The following DDR2 variants were observed in gnomAD, a reference collection of about 807,000 sequenced individuals.
DDR2 encodes the protein discoidin domain-containing receptor 2.
A neutral mutation model predicts 94.9 loss-of-function variants in DDR2; 27 were observed. The ratio of observed to expected loss-of-function variants is 0.28; its 90% CI spans 0.21 to 0.39. DDR2 has a LOEUF of 0.39. Among genes scored for constraint, DDR2 ranks in the 10% least tolerant of loss-of-function variants. The pLI, the probability that DDR2 is intolerant of heterozygous loss-of-function variation, is 1.00. For synonymous variants in DDR2, 382 were observed against 377.2 expected, an observed-to-expected ratio of 1.01 and a Z score of -0.15; for missense variants, 783 against 1,076.0, an observed-to-expected ratio of 0.73 and a Z score of 3.81.
intron 3 of DDR2, among the ~76,000 whole-genome samples, chr1:162,751,589 C>A (rs542876250): frequency 6.6e-6 from 1 of 152,138 alleles, no homozygotes; most frequent in Non-Finnish European, 1.5e-5. Flanking sequence ...GACAGTGTGG[C>A]GATTCCTCAA....
chr1:162,703,754 T>C (rs1182161388), intron 2 of DDR2, among the ~76,000 whole-genome samples: 1 of 152,170 alleles, frequency 6.6e-6, no homozygotes, highest in East Asian at 1.9e-4. Context: ...GCTCCCCTTA[T>C]GTAGTTATTC....
intron 2 of DDR2, among the ~76,000 whole-genome samples, chr1:162,702,202 T>G (rs556382358): frequency 6.6e-6 from 1 of 152,202 alleles, no homozygotes; most frequent in Non-Finnish European, 1.5e-5. Context: ...AAGTTCTGAA[T>G]CATATTTTTC....
intron 3 of DDR2, among the ~76,000 whole-genome samples, chr1:162,752,501 C>A (rs1663261477): frequency 6.6e-6 from 1 of 152,166 alleles, no homozygotes; most frequent in South Asian, 2.1e-4. Context: ...CACTGGAGAG[C>A]AAATCTGGTC....
chr1:162,753,241 C>A, intron 4 of DDR2, 44 bp downstream of exon 4: 1 of 1,575,256 alleles, frequency 6.3e-7, no homozygotes, highest in Non-Finnish European at 8.7e-7. Flanking sequence ...TGGGGTTGGG[C>A]AGATTTCCTG....
upstream of DDR2, chr1:162,631,952 T>C (rs557360571): frequency 2.0e-5 from 3 of 151,952 alleles, no homozygotes; most frequent in East Asian, 5.8e-4. Context: ...AGGGATTAAA[T>C]CAAATCTTTC....
chr1:162,713,490 C>T (rs1313204111), intron 2 of DDR2, among the ~76,000 whole-genome samples: 1 of 152,230 alleles, frequency 6.6e-6, no homozygotes, highest in Non-Finnish European at 1.5e-5. Context: ...CATCTCCTAA[C>T]TCTGTCTTGG....
intron 3 of DDR2, chr1:162,719,363 T>G (rs927030810): frequency 4.7e-6 from 3 of 643,188 alleles, no homozygotes; most frequent in Non-Finnish European, 5.8e-6. Flanking sequence ...TAAAATATTT[T>G]CTTATATAGA....
Position 162,773,477 on chromosome 1 carries a change from C to T in DDR2, c.1737C>T (p.Leu579=). The change falls in exon 14 of 18, where the codon CTC becomes CTT. Residue 579 remains leucine (L), a synonymous_variant. Transcript: ENST00000367921. The part of the protein sequence containing the change: ...LGEGQFGEVH[L]CEVEGMEKFK... ...AGATGACTTTTGTCTAGGTTCATCT[C>T]TGTGAAGTGGAGGGAATGGAAAAAT... 1 of 1,613,776 alleles carries T rather than the reference C, an allele frequency of 6.2e-7. No individual in the cohort carries two copies. The highest frequency in any genetic ancestry group is 8.5e-7 in the Non-Finnish European group (1 of 1,179,806).
intron 1 of DDR2, among the ~76,000 whole-genome samples, chr1:162,636,633 C>T (rs1656838962): frequency 6.6e-6 from 1 of 152,134 alleles, no homozygotes; most frequent in South Asian, 2.1e-4. Flanking sequence ...TCTAGGGTTT[C>T]GACCTCAGAG....
At chr1:162,649,521 A>G (rs1264691668) in intron 1 of DDR2, among the ~76,000 whole-genome samples, 1 of 152,180 alleles carries the variant, frequency 6.6e-6, no homozygotes, top group Non-Finnish European at 1.5e-5. Flanking sequence ...TTCATTCTAA[A>G]TGAACTCTTC....
At chr1:162,651,239 G>A (rs1228684764) in intron 1 of DDR2, among the ~76,000 whole-genome samples, 1 of 152,102 alleles carries the variant, frequency 6.6e-6, no homozygotes, top group Non-Finnish European at 1.5e-5. Context: ...CTGGCATTTG[G>A]AGCCCTGCGT....
chr1:162,769,818 G>C (rs1664176645), intron 11 of DDR2, among the ~76,000 whole-genome samples: 1 of 152,180 alleles, frequency 6.6e-6, no homozygotes, highest in Admixed American at 6.5e-5. Flanking sequence ...ATGGGTCAGT[G>C]GTGGGTATTA....
intron 2 of DDR2, among the ~76,000 whole-genome samples, chr1:162,671,574 C>A (rs1488992277): frequency 6.6e-6 from 1 of 152,024 alleles, no homozygotes; most frequent in African/African-American, 2.4e-5. Flanking sequence ...CTGTGACTCC[C>A]CTTTCCTTCT....
intron 3 of DDR2, among the ~76,000 whole-genome samples, chr1:162,751,043 CT>C (rs1663168611): frequency 1.3e-5 from 2 of 152,150 alleles, no homozygotes; most frequent in Non-Finnish European, 2.9e-5. Context: ...CATAAAAACC[CT>C]AGAAGAAAAC....
chr1:162,775,981 C>T, intron 15 of DDR2, 138 bp downstream of exon 15: 1 of 1,353,924 alleles, frequency 7.4e-7, no homozygotes, highest in East Asian at 2.3e-5. Flanking sequence ...AATAATGGAG[C>T]AGCTGCCCTT....
intron 1 of DDR2, among the ~76,000 whole-genome samples, chr1:162,642,000 G>C (rs1343556756): frequency 6.6e-6 from 1 of 152,150 alleles, no homozygotes; most frequent in Non-Finnish European, 1.5e-5. Context: ...GCCCAGGCTA[G>C]AGTGCAGTGG....
At chr1:162,673,374 G>A (rs1658962533) in intron 2 of DDR2, among the ~76,000 whole-genome samples, 1 of 152,060 alleles carries the variant, frequency 6.6e-6, no homozygotes, top group African/African-American at 2.4e-5. Context: ...AATTCACATA[G>A]GGCCGATTTC....
chr1:162,658,723 G>A (rs1006221242), intron 2 of DDR2, among the ~76,000 whole-genome samples: 2 of 150,302 alleles, frequency 1.3e-5, no homozygotes, highest in African/African-American at 4.9e-5. Context: ...AGCTACTGGG[G>A]AGGCTGAGGC....
rs1236282332 is a variant in DDR2, at chr1:162,773,593, C to T, written c.1853C>T (p.Ala618Val). The T allele has an allele frequency of 6.2e-7, 1 of 1,613,848 alleles. No individual in the cohort carries two copies. Among genetic ancestry groups the T allele is most frequent in the Non-Finnish European group, 8.5e-7 (1 of 1,179,802 alleles). Residue 618 changes from alanine to valine, a missense_variant, in exon 14 of 18, where the codon GCC becomes GTC. By Grantham distance (64) the Ala-to-Val change is moderately conservative. Coordinates refer to ENST00000367921, the MANE Select transcript of DDR2 (RefSeq NM_006182.4). ...KMLRADANKN[A>V]RNDFLKEIKI... Reference sequence around the variant, plus strand: ...CTCCGAGCAGATGCCAACAAGAATGCCAGGTCTGTGGTCTACATTTTGAAT... The same window carrying T: ...CTCCGAGCAGATGCCAACAAGAATGTCAGGTCTGTGGTCTACATTTTGAAT...
Sources: gnomAD v4.1 joint callset for allele counts (sites outside exome capture counted in the v4.1 genomes callset) on GRCh38, gnomAD v4.1.1 for gene constraint, MANE v1.5 for transcripts, NCBI Gene and HGNC (gene_info 2026-07-23, HGNC 2026-07-21) for gene names.